Variants in EVI5L observed in about 807,000 individuals in gnomAD.
EVI5L encodes EVI5-like protein.
Under a neutral mutation model 106.1 loss-of-function variants are expected in EVI5L, and 30 were observed. That is an observed-to-expected ratio of 0.28 (90% CI 0.21 to 0.38). EVI5L has a LOEUF of 0.38. EVI5L is among the 10% of genes least tolerant of loss of function. EVI5L has a pLI of 1.00. For missense variants in EVI5L, 809 were observed against 1,098.0 expected (o/e 0.74, Z 3.72); for synonymous variants, 489 against 483.3 (o/e 1.01, Z -0.15).
rs1327794517 is a variant in EVI5L at position 7,863,245 on chromosome 19, G to A, written c.2104G>A (p.Glu702Lys). 1.3e-6 allele frequency: 2 copies of A among 1,561,474 alleles called. No individual in the cohort carries two copies. Among genetic ancestry groups the A allele is most frequent in the East Asian group, 2.4e-5 (1 of 42,482 alleles). The change falls in exon 19 of 20, where the codon GAG (glutamate) becomes AAG (lysine). Residue 702 changes from glutamate to lysine, a missense_variant. Around this residue, in one of 2 missense-constraint regions of EVI5L, gnomAD observed 452 missense variants for 509.9 expected, o/e 0.89. Coordinates refer to ENST00000538904, the MANE Select transcript of EVI5L (RefSeq NM_001159944.3). The surrounding 1 kb of genome is among the most constrained non-coding windows in gnomAD (Gnocchi z 7.7). The stretch of plus-strand genomic sequence containing the variant: ...CTCGGACTCATCGCAGTACATCCGC[G>A]AGCTCAAGGACCAGATCGAGGAGCT... ...NHSDSSQYIRELKDQIEELKA... is the reference protein window; with the variant it reads ...NHSDSSQYIRKLKDQIEELKA...
Position 7,863,745 on chromosome 19 carries a change from G to T in EVI5L, c.*43G>T, listed in dbSNP as rs1436917117. ...CCGGAGTCAGGAGGCCGCAGCCGCG[G>T]GGGGCGCCCGGGCAGTCCGCGTTCT... On this transcript the variant is annotated 3_prime_UTR_variant, in exon 20 of 20. Transcript: ENST00000538904. This position sits in a 1 kb window ranked among gnomAD's most constrained non-coding sequence, Gnocchi z 7.7. 7.0e-7 allele frequency: 1 copy of T among 1,427,690 alleles called. No individual in the cohort carries two copies. The highest frequency in any genetic ancestry group is 1.5e-5 in the African/African-American group (1 of 67,484). The allele number at this position is 1,427,690 out of a possible 1,614,324, so 88.4% of individuals were successfully genotyped here.
At chr19:7,834,481 AC>A (rs1327001019) in intron 1 of EVI5L, among the ~76,000 whole-genome samples, 1 of 152,206 alleles carries the variant, frequency 6.6e-6, no homozygotes, top group African/African-American at 2.4e-5. Context: ...AGAATGGTTC[AC>A]TTCTCAGATT....
intron 17 of EVI5L, among the ~76,000 whole-genome samples, chr19:7,862,740 ACC>A (rs71179150): frequency 8.6e-5 from 2 of 23,170 alleles, no homozygotes; most frequent in African/African-American, 3.8e-4. Flanking sequence ...CCTCCTGACC[ACC>A]CCCCCCCGCG....
chr19:7,847,083 G>A (rs1249430272), intron 2 of EVI5L, among the ~76,000 whole-genome samples: 1 of 152,196 alleles, frequency 6.6e-6, no homozygotes, highest in African/African-American at 2.4e-5. Flanking sequence ...CTTGAGGTCA[G>A]GTGTTTGAGA....
At chr19:7,834,081 T>C (rs1384047783) in intron 1 of EVI5L, among the ~76,000 whole-genome samples, 1 of 152,218 alleles carries the variant, frequency 6.6e-6, no homozygotes, top group Admixed American at 6.5e-5. Flanking sequence ...GCACGGTGGC[T>C]CACGCCTGTA....
intron 1 of EVI5L, among the ~76,000 whole-genome samples, chr19:7,833,663 G>A (rs149958407): frequency 4.1e-4 from 62 of 152,320 alleles, no homozygotes; most frequent in African/African-American, 7.0e-4. Flanking sequence ...AGCGTGGTGC[G>A]CTCAGGGAGG....
intron 1 of EVI5L, among the ~76,000 whole-genome samples, chr19:7,843,474 AT>A (rs1162193346): frequency 8.0e-6 from 1 of 124,528 alleles, no homozygotes; most frequent in Non-Finnish European, 1.6e-5. Flanking sequence ...GAGAATAGGC[AT>A]GGGTGTGTCA....
At chr19:7,853,374 C>A (rs1284483222) in intron 10 of EVI5L, 41 bp downstream of exon 10, 2 of 1,584,214 alleles carry the variant, frequency 1.3e-6, no homozygotes, top group Non-Finnish European at 8.6e-7. Context: ...GGATGGGAGG[C>A]CTTTGGGGGC....
intron 2 of EVI5L, among the ~76,000 whole-genome samples, chr19:7,846,956 G>A (rs954495433): frequency 6.6e-5 from 10 of 152,204 alleles, no homozygotes; most frequent in South Asian, 2.1e-4. Flanking sequence ...AGGAAGAGTC[G>A]ATTCGGGCCT....
intron 10 of EVI5L, among the ~76,000 whole-genome samples, chr19:7,854,308 GA>G (rs36071235): frequency 6.8e-5 from 10 of 147,598 alleles, no homozygotes; most frequent in East Asian, 2.0e-4. Flanking sequence ...GAAAAGAAAA[GA>G]AAAAAAACAT....
Position 7,862,434 on chromosome 19 carries a change from C to T in EVI5L, c.1847C>T (p.Ala616Val). 6.2e-6 allele frequency: 10 copies of T among 1,610,248 alleles called. No homozygotes were observed. Among genetic ancestry groups the T allele is most frequent in the Non-Finnish European group, 8.5e-6 (10 of 1,178,648 alleles). ...CTGAACCGCGTGGAGGCGGAGCGCG[C>T]GGCGCTGCAGGAGAAGCTGCAGTAC... ...NLLNRVEAERAALQEKLQYLA... is the reference protein window; with the variant it reads ...NLLNRVEAERVALQEKLQYLA... The change falls in exon 17 of 20, where the codon GCG becomes GTG. Residue 616 changes from alanine to valine, a missense_variant. By Grantham distance (64) the Ala-to-Val change is moderately conservative. Transcript: ENST00000538904.
chr19:7,846,727 G>A, intron 2 of EVI5L, 48 bp downstream of exon 2: 1 of 1,585,658 alleles, frequency 6.3e-7, no homozygotes, highest in Non-Finnish European at 8.6e-7. Flanking sequence ...GTGCAGTCTG[G>A]GCCCCCACAG....
At position 7,835,994 on chromosome 19, in the gene EVI5L, T is replaced by C. The variant is rs1414095834; in HGVS notation, c.-48+5613T>C. Among the ~76,000 whole-genome samples, 1 of 151,784 alleles carries C rather than the reference T, an allele frequency of 6.6e-6. No homozygotes were observed. Among genetic ancestry groups the C allele is most frequent in the Non-Finnish European group, 1.5e-5 (1 of 67,924 alleles). On this transcript the variant is annotated intron_variant, in intron 1 of 19. Coordinates refer to ENST00000538904, the MANE Select transcript of EVI5L (RefSeq NM_001159944.3). This position sits in a 1 kb window ranked among gnomAD's most constrained non-coding sequence, Gnocchi z 4.1. ...GCTCACACCTGTGATCTCGGTACTTTGGGAGGCCGAGGCGGGAGGATCACC... is the reference window on the plus strand; with the variant it reads ...GCTCACACCTGTGATCTCGGTACTTCGGGAGGCCGAGGCGGGAGGATCACC...
Position 7,857,731 on chromosome 19 carries a change from T to C in EVI5L, c.1234-460T>C, listed in dbSNP as rs563149976. 3.8e-5 allele frequency: 7 copies of C among 182,142 alleles called. 1 individual carries two copies. In the South Asian group the frequency reaches 8.6e-4, roughly 22 times the overall value. 11.3% of individuals were successfully genotyped at this position (182,142 alleles called of 1,614,324 possible). On this transcript the variant is annotated intron_variant, in intron 12 of 19. Transcript: ENST00000538904. This position sits in a 1 kb window ranked among gnomAD's most constrained non-coding sequence, Gnocchi z 4.5. ...AAAGGGGGTCTTAGCTCCAGGCAGG[T>C]GGAGGCCCCAGAGCCCAGGACTAGA...
chr19:7,838,780 G>A (rs1978460161), intron 1 of EVI5L, among the ~76,000 whole-genome samples: 2 of 152,002 alleles, frequency 1.3e-5, no homozygotes, highest in South Asian at 4.2e-4. Context: ...TTCAGGGAGA[G>A]AGAGGGGGAA....
In EVI5L at chr19:7,857,058, C is replaced by T. The variant is rs1457833663; in HGVS notation, c.1201-34C>T. The T allele has an allele frequency of 1.9e-6, 3 of 1,551,608 alleles. No homozygotes were observed. The highest frequency in any genetic ancestry group is 2.7e-5 in the African/African-American group (2 of 73,070). On this transcript the variant is annotated intron_variant, in intron 11 of 19. Transcript: ENST00000538904. The surrounding 1 kb of genome is among the most constrained non-coding windows in gnomAD (Gnocchi z 4.5). ...CCCCGCGCCTTCCGCTCTGCCTCCT[C>T]CCCCTGTCGCTGGGAACCCCCTTCG...
chr19:7,830,998 C>T (rs1408582205), intron 1 of EVI5L, among the ~76,000 whole-genome samples: 2 of 149,352 alleles, frequency 1.3e-5, no homozygotes, highest in Admixed American at 6.6e-5. Flanking sequence ...CAGCCCTCAG[C>T]TCAGCCTGCT....
At chr19:7,859,574 G>A (rs1459335123) in intron 13 of EVI5L, among the ~76,000 whole-genome samples, 1 of 152,242 alleles carries the variant, frequency 6.6e-6, no homozygotes, top group East Asian at 1.9e-4. Context: ...TGATGCTGGC[G>A]TTGTGGCCCT....
chr19:7,843,204 T>A (rs546589458), intron 1 of EVI5L, among the ~76,000 whole-genome samples: 1 of 147,428 alleles, frequency 6.8e-6, no homozygotes. Context: ...TATAGGGGTG[T>A]GTGTGTGAGA....
Sources: allele counts gnomAD v4.1 joint callset (sites outside exome capture counted in the v4.1 genomes callset), GRCh38; gene constraint gnomAD v4.1.1; regional missense constraint gnomAD v4.1.1; non-coding constraint Gnocchi (gnomAD v3.1); transcripts MANE v1.5; gene names NCBI Gene and HGNC (gene_info 2026-07-23, HGNC 2026-07-21).